The following RCOR1 variants were observed in gnomAD, a reference collection of about 807,000 sequenced individuals.
RCOR1 encodes the protein REST corepressor 1.
A neutral mutation model predicts 64.0 loss-of-function variants in RCOR1; 12 were observed. The ratio of observed to expected loss-of-function variants is 0.19; its 90% confidence interval spans 0.12 to 0.30. RCOR1 has a LOEUF of 0.30. Among genes scored for constraint, RCOR1 ranks in the 10% least tolerant of loss-of-function variants. The pLI, the probability that RCOR1 is intolerant of heterozygous loss-of-function variation, is 1.00. For missense variants in RCOR1, 502 were observed against 621.2 expected (o/e 0.81, Z 2.04); for synonymous variants, 279 against 227.2 (o/e 1.23, Z -2.05).
chr14:102,605,549 T>C lies in RCOR1; in HGVS notation c.361+12224T>C, dbSNP rs532076059. Among the ~76,000 whole-genome samples, 286 of 152,320 alleles carry C rather than the reference T, an allele frequency of 1.9e-3. 1 individual carries two copies. The highest frequency in any genetic ancestry group is 6.2e-3 in the African/African-American group (257 of 41,570). On this transcript the variant is annotated intron_variant, in intron 2 of 11. Transcript: ENST00000262241. The stretch of plus-strand genomic sequence containing the variant: ...GCGTGTAGCATTACTTAGGTGTTTG[T>C]GTGGTGTTGGTGTAAACAAACCTAC...
chr14:102,657,019 C>T, intron 2 of RCOR1: 4 of 866,460 alleles, frequency 4.6e-6, no homozygotes, highest in Non-Finnish European at 5.5e-6. Flanking sequence ...ATGTGATCCA[C>T]CCGCATCAGC....
At chr14:102,612,703 T>A (rs1294465012) in intron 2 of RCOR1, among the ~76,000 whole-genome samples, 1 of 151,814 alleles carries the variant, frequency 6.6e-6, no homozygotes, top group Non-Finnish European at 1.5e-5. Context: ...ATCTGCTTGC[T>A]GGTTACCCTG....
intron 2 of RCOR1, chr14:102,657,966 T>C (rs1894759807): frequency 1.0e-6 from 1 of 961,520 alleles, no homozygotes; most frequent in Non-Finnish European, 1.2e-6. Context: ...TTTAATTTAA[T>C]TTAATTAATT....
In RCOR1 at chr14:102,619,139, G is replaced by A. The variant is rs1893821236; in HGVS notation, c.361+25814G>A. On this transcript the variant is annotated intron_variant, in intron 2 of 11. Transcript: ENST00000262241. ...CTGTCTGTCTGTCTTTATATTTTTT[G>A]AGACGGAGTTTCGCTCTTGTTGCCC... Among the ~76,000 whole-genome samples, 2 of 140,432 alleles carry A rather than the reference G, an allele frequency of 1.4e-5. 1 individual carries two copies. Among genetic ancestry groups the A allele is most frequent in the South Asian group, 4.2e-4 (2 of 4,710 alleles). The allele number at this position is 140,432 out of a possible 152,430, so 92.1% of individuals were successfully genotyped here.
At chr14:102,599,811 T>G (rs796760750) in intron 2 of RCOR1, among the ~76,000 whole-genome samples, 6 of 151,770 alleles carry the variant, frequency 4.0e-5, no homozygotes, top group East Asian at 1.9e-4. Context: ...TTGTTTTGTT[T>G]TTTTTTTTTG....
intron 7 of RCOR1, among the ~76,000 whole-genome samples, chr14:102,712,864 T>C (rs1895988812): frequency 6.6e-6 from 1 of 151,796 alleles, no homozygotes; most frequent in African/African-American, 2.4e-5. Flanking sequence ...ACATTTTAAA[T>C]GAGAGAAAAC....
At chr14:102,631,942 A>T (rs1894120981) in intron 2 of RCOR1, among the ~76,000 whole-genome samples, 1 of 151,876 alleles carries the variant, frequency 6.6e-6, no homozygotes, top group Admixed American at 6.6e-5. Flanking sequence ...CTGGGACTAC[A>T]GACTACAAGC....
intron 2 of RCOR1, chr14:102,650,997 C>G: frequency 4.6e-6 from 4 of 878,656 alleles, no homozygotes; most frequent in Non-Finnish European, 5.5e-6. Context: ...ATACAGGTAT[C>G]TTAATGAGAA....
At chr14:102,671,257 TC>T (rs1196593013) in intron 2 of RCOR1, among the ~76,000 whole-genome samples, 1 of 152,036 alleles carries the variant, frequency 6.6e-6, no homozygotes, top group East Asian at 1.9e-4. Context: ...AACTCCCTCT[TC>T]CCCTCGACTC....
intron 2 of RCOR1, among the ~76,000 whole-genome samples, chr14:102,679,158 A>AT (rs1359990507): frequency 6.6e-6 from 1 of 152,140 alleles, no homozygotes; most frequent in African/African-American, 2.4e-5. Context: ...GTGGATTGTG[A>AT]TTTTGGTACT....
chr14:102,660,428 A>G (rs957970836), intron 2 of RCOR1, among the ~76,000 whole-genome samples: 3 of 151,412 alleles, frequency 2.0e-5, no homozygotes, highest in Non-Finnish European at 4.4e-5. Context: ...TCTGTCACCC[A>G]GGCTGGAGTG....
At chr14:102,677,004 C>T (rs1204201553) in intron 2 of RCOR1, among the ~76,000 whole-genome samples, 3 of 111,306 alleles carry the variant, frequency 2.7e-5, no homozygotes, top group African/African-American at 1.1e-4. Flanking sequence ...CCTCACCTCC[C>T]GGACGGGGCG....
intron 3 of RCOR1, among the ~76,000 whole-genome samples, chr14:102,694,349 T>C (rs185790718): frequency 0.037 from 5,565 of 152,266 alleles, 193 homozygotes; most frequent in African/African-American, 0.087. Flanking sequence ...CTCCGCCTCC[T>C]GGGTTCACGC....
intron 8 of RCOR1, among the ~76,000 whole-genome samples, chr14:102,714,993 C>G (rs1317397598): frequency 6.6e-6 from 1 of 152,090 alleles, no homozygotes; most frequent in African/African-American, 2.4e-5. Context: ...GGTCACTATT[C>G]CATGGAATGT....
At chr14:102,611,928 C>T (rs1021238329) in intron 2 of RCOR1, among the ~76,000 whole-genome samples, 1 of 152,156 alleles carries the variant, frequency 6.6e-6, no homozygotes, top group African/African-American at 2.4e-5. Flanking sequence ...AACTCCTGGG[C>T]TCAAGCCATG....
rs1270765000 is a variant in RCOR1 at position 102,726,661 on chromosome 14, T to C, written c.*155T>C. On this transcript the variant is annotated 3_prime_UTR_variant, in exon 12 of 12. Transcript: ENST00000262241. ...CTTCCAGTCCTGTGCTCCATCTGCC[T>C]TAATTCTTTGCTCGTTCCTCCATGT... The C allele has an allele frequency of 1.6e-6, 1 of 634,514 alleles. No individual in the cohort carries two copies. Among genetic ancestry groups the C allele is most frequent in the Non-Finnish European group, 2.7e-6 (1 of 373,106 alleles). 39.3% of individuals were successfully genotyped at this position (634,514 alleles called of 1,614,324 possible). A position where few individuals can be genotyped will look rare whatever the true frequency, so the allele number is the denominator to read the frequency against.
At chr14:102,725,067 T>C (rs1896233776) in intron 11 of RCOR1, among the ~76,000 whole-genome samples, 1 of 152,202 alleles carries the variant, frequency 6.6e-6, no homozygotes, top group African/African-American at 2.4e-5. Flanking sequence ...TTGAAATTCA[T>C]AGTTATTTGA....
intron 2 of RCOR1, among the ~76,000 whole-genome samples, chr14:102,602,908 G>A (rs1276608171): frequency 1.3e-5 from 2 of 152,008 alleles, no homozygotes; most frequent in African/African-American, 4.8e-5. Flanking sequence ...GTTTTGCCAA[G>A]TTGCCCAGAC....
chr14:102,721,123 A>G, intron 9 of RCOR1, 39 bp downstream of exon 9: 1 of 1,286,788 alleles, frequency 7.8e-7, no homozygotes, highest in Non-Finnish European at 1.1e-6. Context: ...GTCATATTCA[A>G]GTTTTACATG....
Sources: allele counts gnomAD v4.1 joint callset (sites outside exome capture counted in the v4.1 genomes callset), GRCh38; gene constraint gnomAD v4.1.1; transcripts MANE v1.5; gene names NCBI Gene and HGNC (gene_info 2026-07-23, HGNC 2026-07-21).